VAV2: variants seen among roughly 807,000 people sequenced by gnomAD.
VAV2 encodes vav guanine nucleotide exchange factor 2.
Under a neutral mutation model 132.5 loss-of-function variants are expected in VAV2, and 67 were observed. The observed-to-expected ratio is 0.51, with a 90% CI of 0.42 to 0.62. The LOEUF is 0.62. VAV2 is among the 20% of genes least tolerant of loss of function. VAV2 has a pLI of 0.00. For synonymous variants in VAV2, 492 were observed against 443.5 expected (o/e 1.11, Z -1.37); for missense variants, 938 against 1,153.6 (o/e 0.81, Z 2.71).
chr9:133,795,184 T>C (rs914893405), intron 12 of VAV2, among the ~76,000 whole-genome samples: 17 of 151,892 alleles, frequency 1.1e-4, no homozygotes, highest in Non-Finnish European at 2.9e-5. Flanking sequence ...AGCAAGGGAG[T>C]GGCATGAGCT....
intron 10 of VAV2, among the ~76,000 whole-genome samples, 164 bp downstream of exon 10, chr9:133,797,546 C>T (rs1197695995): frequency 6.6e-6 from 1 of 152,186 alleles, no homozygotes; most frequent in Non-Finnish European, 1.5e-5. Flanking sequence ...CTCCCCAACC[C>T]AACACAATGC....
chr9:133,933,226 G>C (rs533524661), intron 2 of VAV2, among the ~76,000 whole-genome samples: 32 of 152,346 alleles, frequency 2.1e-4, no homozygotes, highest in Non-Finnish European at 2.5e-4. Context: ...AGCAGGCCTC[G>C]GGGCCAAAGC....
intron 2 of VAV2, among the ~76,000 whole-genome samples, chr9:133,887,341 A>G (rs1329582193): frequency 6.6e-6 from 1 of 152,132 alleles, no homozygotes; most frequent in African/African-American, 2.4e-5. Flanking sequence ...AAGCCCACCC[A>G]CCTGCTACTC....
intron 21 of VAV2, 103 bp downstream of exon 21, chr9:133,779,815 G>C (rs1237188390): frequency 6.7e-7 from 1 of 1,484,348 alleles, no homozygotes; most frequent in East Asian, 2.3e-5. Context: ...GGAGCGTCTG[G>C]TGGCTGGGCA....
chr9:133,838,587 ATGGG>A (rs971825793), intron 3 of VAV2, among the ~76,000 whole-genome samples: 4 of 129,452 alleles, frequency 3.1e-5, no homozygotes, highest in Non-Finnish European at 6.5e-5. Flanking sequence ...AGATGGATGA[ATGGG>A]TGGGTGGATG....
rs562674464 is a variant in VAV2 at position 133,802,081 on chromosome 9, AT to A, written c.836+3999del. ...GAGCACCTGCCACATACCAGGCAGCATGGGCCACAGAGTCCCCAGGGGGCAC... is the reference window on the plus strand; with the variant it reads ...GAGCACCTGCCACATACCAGGCAGCAGGGCCACAGAGTCCCCAGGGGGCAC... On this transcript the variant is annotated intron_variant, in intron 9 of 29. Coordinates refer to ENST00000371850, the MANE Select transcript of VAV2 (RefSeq NM_001134398.2). The surrounding 1 kb of genome is among the most constrained non-coding windows in gnomAD (Gnocchi z 5.8). 6.4e-3 allele frequency among the ~76,000 whole-genome samples: 976 copies of A among 152,228 alleles called. 5 individuals carry two copies. The highest frequency in any genetic ancestry group is 0.011 in the Non-Finnish European group (748 of 68,012).
intron 2 of VAV2, 24 bp downstream of exon 2, chr9:133,939,079 A>C (rs768214082): frequency 2.5e-6 from 4 of 1,608,866 alleles, no homozygotes; most frequent in Non-Finnish European, 2.6e-6. Context: ...TGAGCGACCG[A>C]GGCTGGAGAG....
Position 133,958,998 on chromosome 9 carries a change from A to G in VAV2, c.205-19779T>C, listed in dbSNP as rs548269330. ...GGAGGCGGTGGGGGCCTCCCAGGGA[A>G]GTGAGAGGTGCCGAGAAACAGCACA... On this transcript the variant is annotated intron_variant, in intron 1 of 29. Coordinates refer to ENST00000371850, the MANE Select transcript of VAV2 (RefSeq NM_001134398.2). 7.2e-5 allele frequency among the ~76,000 whole-genome samples: 11 copies of G among 152,208 alleles called. No homozygotes were observed. In the East Asian group the frequency reaches 1.4e-3, roughly 19 times the overall value.
chr9:133,844,372 C>T (rs117293680), intron 3 of VAV2, among the ~76,000 whole-genome samples: 3,407 of 152,310 alleles, frequency 0.022, 81 homozygotes, highest in Admixed American at 0.072. Context: ...CATGCCAGCC[C>T]TCTTCCCAGG....
intron 1 of VAV2, among the ~76,000 whole-genome samples, chr9:133,989,224 G>C (rs1161475976): frequency 6.6e-6 from 1 of 152,054 alleles, no homozygotes; most frequent in African/African-American, 2.4e-5. Context: ...TGTCATCCCA[G>C]CCGACTTGGG....
Position 133,840,382 on chromosome 9 carries a change from T to A in VAV2, c.381-6042A>T, listed in dbSNP as rs1179543950. 6.6e-6 allele frequency among the ~76,000 whole-genome samples: 1 copy of A among 151,628 alleles called. No individual in the cohort carries two copies. Among genetic ancestry groups the A allele is most frequent in the Non-Finnish European group, 1.5e-5 (1 of 67,912 alleles). ...GCAGCCCCTCCTCCCAAACGACCCA[T>A]CCAATCCCACTCCCCAAGCTTCCTC... On this transcript the variant is annotated intron_variant, in intron 3 of 29. Transcript: ENST00000371850. This position sits in a 1 kb window ranked among gnomAD's most constrained non-coding sequence, Gnocchi z 4.5.
intron 1 of VAV2, among the ~76,000 whole-genome samples, chr9:133,968,621 G>A (rs1017841140): frequency 1.3e-5 from 2 of 152,186 alleles, no homozygotes; most frequent in Non-Finnish European, 2.9e-5. Context: ...CACGACCCGG[G>A]CTCTGGGGCT....
intron 1 of VAV2, among the ~76,000 whole-genome samples, chr9:133,942,894 G>A (rs943951959): frequency 3.9e-5 from 6 of 152,220 alleles, no homozygotes; most frequent in Non-Finnish European, 5.9e-5. Context: ...CTGCACGGAC[G>A]GGGATGGCAG....
At chr9:133,847,358 C>G (rs537509466) in intron 3 of VAV2, among the ~76,000 whole-genome samples, 2 of 152,206 alleles carry the variant, frequency 1.3e-5, no homozygotes, top group Non-Finnish European at 2.9e-5. Context: ...CGCGCCTCAG[C>G]GTGAGCAGCC....
intron 2 of VAV2, among the ~76,000 whole-genome samples, chr9:133,869,185 T>C (rs1337134354): frequency 6.6e-6 from 1 of 151,998 alleles, no homozygotes; most frequent in African/African-American, 2.4e-5. Context: ...TTAGTAGAGA[T>C]GGGGTTTCAG....
In VAV2 at chr9:133,879,811, G is replaced by A. The variant is rs1231265978; in HGVS notation, c.322-18379C>T. On this transcript the variant is annotated intron_variant, in intron 2 of 29. Coordinates refer to ENST00000371850, the MANE Select transcript of VAV2 (RefSeq NM_001134398.2). This position sits in a 1 kb window ranked among gnomAD's most constrained non-coding sequence, Gnocchi z 4.4. Reference sequence around the variant, plus strand: ...AAGTCTAAAGTGATTTTTCCTCCCCGGTGCTTTGTGTTTATGGAAACAGAT... The same window carrying A: ...AAGTCTAAAGTGATTTTTCCTCCCCAGTGCTTTGTGTTTATGGAAACAGAT... Among the ~76,000 whole-genome samples the A allele has an allele frequency of 6.6e-6, 1 of 152,118 alleles. No individual in the cohort carries two copies. The highest frequency in any genetic ancestry group is 1.5e-5 in the Non-Finnish European group (1 of 68,022).
At chr9:133,984,726 G>A (rs1164721602) in intron 1 of VAV2, among the ~76,000 whole-genome samples, 3 of 152,070 alleles carry the variant, frequency 2.0e-5, no homozygotes, top group Non-Finnish European at 4.4e-5. Flanking sequence ...TGGCCAACGT[G>A]TCGAAGCCTT....
intron 2 of VAV2, among the ~76,000 whole-genome samples, chr9:133,873,372 C>A (rs559388866): frequency 6.6e-6 from 1 of 152,248 alleles, no homozygotes; most frequent in East Asian, 1.9e-4. Flanking sequence ...GCAAGACATA[C>A]AGATGGCAAA....
intron 2 of VAV2, among the ~76,000 whole-genome samples, chr9:133,867,175 C>T (rs970143803): frequency 6.6e-6 from 1 of 151,824 alleles, no homozygotes; most frequent in Admixed American, 6.5e-5. Flanking sequence ...CCGGGGCAGG[C>T]GTCTGTCCAC....
Sources: allele counts gnomAD v4.1 joint callset (sites outside exome capture counted in the v4.1 genomes callset), GRCh38; gene constraint gnomAD v4.1.1; non-coding constraint Gnocchi (gnomAD v3.1); transcripts MANE v1.5; gene names NCBI Gene and HGNC (gene_info 2026-07-23, HGNC 2026-07-21).